Variants in PCDHA1 observed in about 807,000 individuals in gnomAD.
The protein encoded by PCDHA1 is protocadherin alpha 1, also known as protocadherin alpha-1.
In PCDHA1, 42 loss-of-function variants were observed where a neutral mutation model predicts 61.3. The observed-to-expected ratio is 0.69, with a 90% CI of 0.54 to 0.89. The LOEUF (loss-of-function observed/expected upper bound fraction) is 0.89, where lower values mean the gene tolerates loss of function less well. Ranked by LOEUF, PCDHA1 falls within the 40% of genes least tolerant of loss-of-function variation. The pLI, the probability that PCDHA1 is intolerant of heterozygous loss-of-function variation, is 0.00. For missense variants in PCDHA1, 1,256 were observed against 1,235.3 expected (o/e 1.02, Z -0.25); for synonymous variants, 610 against 553.8 (o/e 1.10, Z -1.43).
intron 1 of PCDHA1, chr5:140,877,144 G>A (rs543806401): frequency 1.9e-6 from 3 of 1,613,772 alleles, no homozygotes; most frequent in South Asian, 2.2e-5. Context: ...CGTGCTGGAC[G>A]AGAACGACAA....
intron 1 of PCDHA1, chr5:140,808,769 C>T: frequency 6.2e-7 from 1 of 1,612,380 alleles, no homozygotes; most frequent in Non-Finnish European, 8.5e-7. Flanking sequence ...CCACGAGGAG[C>T]TAGAGCTGCT....
chr5:140,929,497 C>A, intron 1 of PCDHA1: 1 of 977,560 alleles, frequency 1.0e-6, no homozygotes, highest in Non-Finnish European at 1.4e-6. Context: ...TAGAAGATTG[C>A]CCTAGGCCTC....
At chr5:140,862,361 ACCC>A in intron 1 of PCDHA1, 2 of 339,278 alleles carry the variant, frequency 5.9e-6, no homozygotes, top group South Asian at 4.8e-5. Context: ...GGGACAGACG[ACCC>A]GCACCCTGAC....
At chr5:140,845,460 T>C (rs1432281352) in intron 1 of PCDHA1, among the ~76,000 whole-genome samples, 1 of 149,744 alleles carries the variant, frequency 6.7e-6, no homozygotes, top group Non-Finnish European at 1.5e-5. Context: ...AACTCTCTGA[T>C]ATTTGAATTT....
intron 1 of PCDHA1, among the ~76,000 whole-genome samples, chr5:140,894,318 T>C (rs1403062288): frequency 1.3e-5 from 2 of 152,086 alleles, no homozygotes; most frequent in Non-Finnish European, 2.9e-5. Context: ...TCTTAAATTA[T>C]AGATTTTAGT....
chr5:140,808,251 T>C (rs1554124470), intron 1 of PCDHA1: 3 of 1,614,234 alleles, frequency 1.9e-6, no homozygotes, highest in Non-Finnish European at 1.7e-6. Context: ...TTCAAGTCTT[T>C]ATCACTTCCA....
rs2096146085 is a variant in PCDHA1 at position 140,967,476 on chromosome 5, G to T, written c.2395-11473G>T. ...GCCGTGGATGGGGGCATCCCAGCCC[G>T]CTCGGGTACGGCACAGATCTCTGTG... On this transcript the variant is annotated intron_variant, in intron 1 of 3. Transcript: ENST00000504120. The T allele has an allele frequency of 6.2e-7, 1 of 1,613,324 alleles. No individual in the cohort carries two copies. The highest frequency in any genetic ancestry group is 1.3e-5 in the African/African-American group (1 of 75,056).
Position 140,809,380 on chromosome 5 carries a change from G to C in PCDHA1, c.2394+20696G>C, listed in dbSNP as rs1229745044. On this transcript the variant is annotated intron_variant, in intron 1 of 3. Transcript: ENST00000504120. Reference sequence around the variant, plus strand: ...GCTCTGCGCTGCCCACCGAGGGCGCGTGCGCTCCGGGCAAGCCCACGCTGG... The same window carrying C: ...GCTCTGCGCTGCCCACCGAGGGCGCCTGCGCTCCGGGCAAGCCCACGCTGG... The C allele has an allele frequency of 2.5e-6, 4 of 1,614,042 alleles. No homozygotes were observed. The East Asian group carries it at 8.9e-5, about 36-fold the overall frequency.
chr5:141,004,024 C>T (rs1380291199), intron 3 of PCDHA1, among the ~76,000 whole-genome samples: 1 of 152,210 alleles, frequency 6.6e-6, no homozygotes, highest in African/African-American at 2.4e-5. Context: ...AAAGAAGAAA[C>T]ATTTCCTTGA....
intron 1 of PCDHA1, among the ~76,000 whole-genome samples, chr5:140,909,036 C>T (rs2074275767): frequency 6.6e-6 from 1 of 152,162 alleles, no homozygotes; most frequent in Non-Finnish European, 1.5e-5. Flanking sequence ...CATTTATTTT[C>T]CATACTCTGG....
intron 1 of PCDHA1, chr5:140,802,074 T>C: frequency 6.2e-7 from 1 of 1,614,184 alleles, no homozygotes; most frequent in Non-Finnish European, 8.5e-7. Context: ...TCTGTCAAAA[T>C]TCCATTTAGA....
intron 1 of PCDHA1, chr5:140,877,239 C>T (rs2056959197): frequency 1.9e-6 from 3 of 1,613,668 alleles, no homozygotes; most frequent in Middle Eastern, 1.7e-4. Context: ...GTGCGGGCCA[C>T]GTGGTGGCGA....
In PCDHA1 at chr5:140,796,609, G is replaced by A. The variant is rs574282635; in HGVS notation, c.2394+7925G>A. Reference sequence around the variant, plus strand: ...GGGCGTGCCGCCTCTGGGCAGCAACGTGACGCTGCAGGTGTTCGTGCTGGA... The same window carrying A: ...GGGCGTGCCGCCTCTGGGCAGCAACATGACGCTGCAGGTGTTCGTGCTGGA... On this transcript the variant is annotated intron_variant, in intron 1 of 3. Transcript: ENST00000504120. The A allele has an allele frequency of 9.7e-5, 157 of 1,612,598 alleles. 2 individuals carry two copies. The South Asian group carries it at 1.6e-3, about 17-fold the overall frequency.
intron 1 of PCDHA1, among the ~76,000 whole-genome samples, chr5:140,969,721 C>A (rs1399042401): frequency 6.6e-5 from 10 of 152,126 alleles, no homozygotes; most frequent in African/African-American, 2.2e-4. Context: ...GGAAATTTTT[C>A]TTTTGAAATC....
chr5:140,871,674 A>G (rs1582053798), intron 1 of PCDHA1: 3 of 1,137,860 alleles, frequency 2.6e-6, no homozygotes, highest in Non-Finnish European at 3.6e-6. Context: ...TCTTTTAATC[A>G]TATGAATAAT....
At chr5:140,880,694 A>T (rs1254061280) in intron 1 of PCDHA1, among the ~76,000 whole-genome samples, 1 of 152,346 alleles carries the variant, frequency 6.6e-6, no homozygotes, top group South Asian at 2.1e-4. Context: ...AGTCATGGTT[A>T]AGTGACAATG....
At chr5:140,933,651 C>G (rs2089301034) in intron 1 of PCDHA1, among the ~76,000 whole-genome samples, 1 of 151,824 alleles carries the variant, frequency 6.6e-6, no homozygotes, top group South Asian at 2.1e-4. Flanking sequence ...GTTGGAAATC[C>G]TGTCTCTCTC....
At chr5:140,819,040 G>A (rs2150103019) in intron 1 of PCDHA1, among the ~76,000 whole-genome samples, 129 of 152,194 alleles carry the variant, frequency 8.5e-4, no homozygotes, top group Non-Finnish European at 1.5e-3. Context: ...TTCCCTTATA[G>A]GGCAGTTATA....
At chr5:140,796,672 G>T (rs782305440) in intron 1 of PCDHA1, 24 of 1,613,884 alleles carry the variant, frequency 1.5e-5, no homozygotes, top group Non-Finnish European at 1.8e-5. Context: ...GGCGCCTAGG[G>T]CTGGCACCGC....
Sources: gnomAD v4.1 joint callset for allele counts (sites outside exome capture counted in the v4.1 genomes callset) on GRCh38, gnomAD v4.1.1 for gene constraint, MANE v1.5 for transcripts, NCBI Gene and HGNC (gene_info 2026-07-23, HGNC 2026-07-21) for gene names.